HMGB1: variants seen among roughly 807,000 people sequenced by gnomAD.
HMGB1 encodes the protein high mobility group box 1, also known as high mobility group protein B1.
For missense variants in HMGB1, 79 were observed against 253.5 expected (o/e 0.31, Z 4.67); for synonymous variants, 81 against 84.0 (o/e 0.96, Z 0.19).
chr13:30,595,706 T>C (rs1871578038), intron 1 of HMGB1, among the ~76,000 whole-genome samples: 1 of 152,066 alleles, frequency 6.6e-6, no homozygotes, highest in Admixed American at 6.6e-5. Flanking sequence ...GGCTGCACGA[T>C]CCAATTGCAA....
intron 1 of HMGB1, among the ~76,000 whole-genome samples, chr13:30,562,828 G>A (rs1369837495): frequency 6.6e-6 from 1 of 152,190 alleles, no homozygotes; most frequent in African/African-American, 2.4e-5. Flanking sequence ...CAATCAGGGG[G>A]AAAGATTCTG....
At chr13:30,553,786 T>C in intron 1 of HMGB1, 1 of 1,402,776 alleles carries the variant, frequency 7.1e-7, no homozygotes, top group Non-Finnish European at 1.0e-6. Flanking sequence ...GTGGCCAAGT[T>C]TCCAGAAAAC....
chr13:30,457,706 TTG>T lies in HMGB1; in HGVS notation c.*3649_*3650del, dbSNP rs1203876133. 1 of 152,232 alleles carries T rather than the reference TTG, an allele frequency of 6.6e-6. No individual in the cohort carries two copies. The highest frequency in any genetic ancestry group is 1.5e-5 in the Non-Finnish European group (1 of 68,042). The allele number at this position is 152,232 out of a possible 1,614,324, so 9.4% of individuals were successfully genotyped here. On this transcript the variant is annotated 3_prime_UTR_variant, in exon 5 of 5. Coordinates refer to ENST00000341423, the MANE Select transcript of HMGB1 (RefSeq NM_002128.7). ...TATTCTGGAGTGTGGCATATTATGTTTGTGTCATTCCATGTTGTATGGTTATC... is the reference window on the plus strand; with the variant it reads ...TATTCTGGAGTGTGGCATATTATGTTTGTCATTCCATGTTGTATGGTTATC...
intron 1 of HMGB1, among the ~76,000 whole-genome samples, chr13:30,564,606 G>A (rs934455307): frequency 2.6e-4 from 40 of 152,196 alleles, no homozygotes; most frequent in African/African-American, 8.7e-4. Flanking sequence ...TCTTATGAAA[G>A]GTTCTGCTGA....
intron 1 of HMGB1, among the ~76,000 whole-genome samples, chr13:30,523,822 C>A (rs1442218244): frequency 9.9e-5 from 15 of 151,490 alleles, no homozygotes; most frequent in African/African-American, 3.6e-4. Flanking sequence ...CTCACTGCAA[C>A]CCCAATCTCC....
At chr13:30,595,632 G>T (rs923083368) in intron 1 of HMGB1, among the ~76,000 whole-genome samples, 2 of 152,210 alleles carry the variant, frequency 1.3e-5, no homozygotes, top group African/African-American at 4.8e-5. Context: ...GGGTGGATCT[G>T]GCTCAGCTGT....
At chr13:30,573,554 G>T (rs897502022) in intron 1 of HMGB1, among the ~76,000 whole-genome samples, 1 of 151,668 alleles carries the variant, frequency 6.6e-6, no homozygotes, top group Admixed American at 6.6e-5. Context: ...CATATAATTT[G>T]TAAAAAATTG....
At position 30,501,346 on chromosome 13, in the gene HMGB1, C is replaced by CTAGTT. The variant is rs535688430; in HGVS notation, c.-14-37657_-14-37653dup. 7.6e-4 allele frequency among the ~76,000 whole-genome samples: 115 copies of CTAGTT among 152,158 alleles called. 1 individual carries two copies. The highest frequency in any genetic ancestry group is 3.7e-3 in the South Asian group (18 of 4,818). On this transcript the variant is annotated intron_variant, in intron 1 of 4. Coordinates refer to the HMGB1 transcript ENST00000405805. ...TGGAACCATCCTCAACTGTGTACAT[C>CTAGTT]TAGTTTAGTTTAGTTTAGTTTAGAG...
rs1203282328 is a variant in HMGB1 at position 30,465,351 on chromosome 13, C to G, written c.-15+445G>C. On this transcript the variant is annotated intron_variant, in intron 1 of 4. Transcript: ENST00000341423. ...AGCGCCCGGCTCGCTGCGGCGGCGG[C>G]CAATGCAGCCCGGGGAAGCGCCGCC... 3.6e-5 allele frequency: 5 copies of G among 137,650 alleles called. No individual in the cohort carries two copies. The East Asian group carries it at 1.1e-3, about 31-fold the overall frequency. The allele number at this position is 137,650 out of a possible 1,614,324, so 8.5% of individuals were successfully genotyped here.
chr13:30,564,838 A>C (rs1870123063), intron 1 of HMGB1, among the ~76,000 whole-genome samples: 1 of 152,238 alleles, frequency 6.6e-6, no homozygotes, highest in Non-Finnish European at 1.5e-5. Flanking sequence ...AGAATCGGTA[A>C]TTCTAAAACT....
At chr13:30,499,127 A>G (rs925299447) in intron 1 of HMGB1, among the ~76,000 whole-genome samples, 1 of 151,716 alleles carries the variant, frequency 6.6e-6, no homozygotes, top group African/African-American at 2.4e-5. Flanking sequence ...TAATTTTTAT[A>G]TTTTTAGTAG....
intron 1 of HMGB1, among the ~76,000 whole-genome samples, chr13:30,474,946 C>CTTTTT (rs1887040770): frequency 1.0e-4 from 4 of 39,330 alleles, no homozygotes; most frequent in Non-Finnish European, 1.9e-4. Context: ...TTTTTTTTTT[C>CTTTTT]TTTTCTTTTT....
At chr13:30,502,411 C>T (rs1887753774) in intron 1 of HMGB1, among the ~76,000 whole-genome samples, 1 of 152,090 alleles carries the variant, frequency 6.6e-6, no homozygotes, top group South Asian at 2.1e-4. Context: ...AAGGCCCATC[C>T]CCCATCTCAG....
chr13:30,528,910 T>A (rs4769840), intron 1 of HMGB1, among the ~76,000 whole-genome samples: 18,255 of 151,542 alleles, frequency 0.12, 1,275 homozygotes, highest in Middle Eastern at 0.17. Context: ...GCGCCTCTAG[T>A]CCCAGCTCCT....
intron 1 of HMGB1, among the ~76,000 whole-genome samples, chr13:30,576,761 C>T (rs191406313): frequency 6.6e-6 from 1 of 152,116 alleles, no homozygotes; most frequent in East Asian, 1.9e-4. Flanking sequence ...TGTTCATTCA[C>T]CCCACAGGCT....
Position 30,456,754 on chromosome 13 carries a change from T to TGTGG in HMGB1, c.*4599_*4602dup, listed in dbSNP as rs1885996583. On this transcript the variant is annotated 3_prime_UTR_variant, in exon 5 of 5. Coordinates refer to ENST00000341423, the MANE Select transcript of HMGB1 (RefSeq NM_002128.7). The stretch of plus-strand genomic sequence containing the variant: ...GTTTCACAGCATAAATAACAGCTTT[T>TGTGG]GTGGGCGGGGGGGGGGGGTGGTGGG... 2.0e-4 allele frequency: 1 copy of TGTGG among 5,004 alleles called. No homozygotes were observed. The highest frequency in any genetic ancestry group is 6.9e-4 in the African/African-American group (1 of 1,454). 0.3% of individuals were successfully genotyped at this position (5,004 alleles called of 1,614,324 possible). A position where few individuals can be genotyped will look rare whatever the true frequency, so the allele number is the denominator to read the frequency against.
intron 1 of HMGB1, among the ~76,000 whole-genome samples, chr13:30,572,580 TC>T (rs1870481898): frequency 6.6e-6 from 1 of 152,230 alleles, no homozygotes; most frequent in Non-Finnish European, 1.5e-5. Flanking sequence ...AAGACATTTT[TC>T]TAGTATTTCA....
chr13:30,471,114 G>A (rs1194225055), intron 1 of HMGB1, among the ~76,000 whole-genome samples: 2 of 151,954 alleles, frequency 1.3e-5, no homozygotes, highest in African/African-American at 4.8e-5. Context: ...GAGTAGCTGG[G>A]ACTACAGGCA....
At chr13:30,572,315 A>G (rs1870471995) in intron 1 of HMGB1, among the ~76,000 whole-genome samples, 1 of 152,242 alleles carries the variant, frequency 6.6e-6, no homozygotes, top group African/African-American at 2.4e-5. Context: ...GAGACCGTTC[A>G]GTTACATTTT....
Sources: gnomAD v4.1 joint callset for allele counts (sites outside exome capture counted in the v4.1 genomes callset) on GRCh38, gnomAD v4.1.1 for gene constraint, MANE v1.5 for transcripts, NCBI Gene and HGNC (gene_info 2026-07-23, HGNC 2026-07-21) for gene names.